The following MTHFD1 variants were observed in gnomAD, a reference collection of about 807,000 sequenced individuals.
The protein encoded by MTHFD1 is methylenetetrahydrofolate dehydrogenase, cyclohydrolase and formyltetrahydrofolate synthetase 1, also known as C-1-tetrahydrofolate synthase, cytoplasmic.
A neutral mutation model predicts 110.3 loss-of-function variants in MTHFD1; 44 were observed. The ratio of observed to expected loss-of-function variants is 0.40; its 90% confidence interval spans 0.31 to 0.51. The LOEUF is 0.51. Ranked by LOEUF, MTHFD1 falls within the 20% of genes least tolerant of loss-of-function variation. The pLI, the probability that MTHFD1 is intolerant of heterozygous loss-of-function variation, is 0.60. For synonymous variants in MTHFD1, 402 were observed against 428.8 expected (o/e 0.94, Z 0.77); for missense variants, 909 against 1,173.1 (o/e 0.77, Z 3.29).
Position 64,449,035 on chromosome 14 carries a change from G to A in MTHFD1, c.2280-410G>A, listed in dbSNP as rs1330805743. The A allele has an allele frequency of 2.8e-5, 9 of 316,894 alleles. No individual in the cohort carries two copies. The East Asian group carries it at 5.6e-4, about 20-fold the overall frequency. The allele number at this position is 316,894 out of a possible 1,614,324, so 19.6% of individuals were successfully genotyped here. A position where few individuals can be genotyped will look rare whatever the true frequency, so the allele number is the denominator to read the frequency against. On this transcript the variant is annotated intron_variant, in intron 23 of 27. Transcript: ENST00000652337. ...AGGATGGTCTCGATCTCCTGACCTC[G>A]TGATTCTCCCACCTCGGCCTCCCAA...
intron 16 of MTHFD1, among the ~76,000 whole-genome samples, chr14:64,437,868 T>C (rs570888662): frequency 1.3e-4 from 20 of 152,114 alleles, no homozygotes; most frequent in Admixed American, 5.9e-4. Flanking sequence ...CATCAAATCA[T>C]GTTGTTCAAG....
intron 1 of MTHFD1, among the ~76,000 whole-genome samples, chr14:64,396,431 G>A (rs1241521591): frequency 1.7e-5 from 2 of 118,776 alleles, no homozygotes; most frequent in African/African-American, 3.2e-5. Flanking sequence ...CACTCTTGTT[G>A]CCTAGGCTGG....
At chr14:64,423,413 CT>C (rs549281567) in intron 8 of MTHFD1, among the ~76,000 whole-genome samples, 6 of 150,240 alleles carry the variant, frequency 4.0e-5, no homozygotes, top group Non-Finnish European at 4.5e-5. Context: ...GCAGAACTAA[CT>C]TTTTTTTTTG....
rs147620223 is a variant in MTHFD1, at chr14:64,411,611, G to T, written c.186+462G>T. ...TGAATCTGCATTTTTTACATAAGAT[G>T]ACAGATGGCCGGACGCGGTGGCTCA... On this transcript the variant is annotated intron_variant, in intron 3 of 27. Transcript: ENST00000652337. 5.9e-3 allele frequency among the ~76,000 whole-genome samples: 899 copies of T among 152,266 alleles called. 7 individuals are homozygous for T. Among genetic ancestry groups the T allele is most frequent in the African/African-American group, 0.021 (852 of 41,558 alleles).
chr14:64,433,903 G>A (rs1035150755), intron 15 of MTHFD1, among the ~76,000 whole-genome samples: 8 of 151,826 alleles, frequency 5.3e-5, no homozygotes, highest in African/African-American at 1.5e-4. Context: ...GGTGGTGCAC[G>A]CCTGTAGCCC....
At chr14:64,403,215 G>A in intron 2 of MTHFD1, among the ~76,000 whole-genome samples, 1 of 151,880 alleles carries the variant, frequency 6.6e-6, no homozygotes, top group Non-Finnish European at 1.5e-5. Context: ...CCAGATTCAT[G>A]CAATTCTCCT....
At chr14:64,396,558 ATTTTT>A (rs71123843) in intron 1 of MTHFD1, among the ~76,000 whole-genome samples, 1 of 126,794 alleles carries the variant, frequency 7.9e-6, no homozygotes, top group Non-Finnish European at 1.7e-5. Flanking sequence ...CTCCCAGTTA[ATTTTT>A]TTTTTTTTTT....
intron 4 of MTHFD1, among the ~76,000 whole-genome samples, chr14:64,412,798 T>C (rs2077994729): frequency 6.6e-6 from 1 of 151,810 alleles, no homozygotes; most frequent in Non-Finnish European, 1.5e-5. Context: ...CCGCCTCACC[T>C]GGCTAATTTT....
At chr14:64,388,500 G>A (rs1222683797) in intron 1 of MTHFD1, 32 bp downstream of exon 1, 19 of 1,603,088 alleles carry the variant, frequency 1.2e-5, no homozygotes, top group Non-Finnish European at 1.6e-5. Flanking sequence ...TGAGTGTGGG[G>A]CTGTGGACGA....
chr14:64,413,936 C>T (rs1421390329), intron 4 of MTHFD1, among the ~76,000 whole-genome samples: 1 of 152,146 alleles, frequency 6.6e-6, no homozygotes, highest in African/African-American at 2.4e-5. Context: ...CTCAAGTGAT[C>T]CTCCCACCTT....
chr14:64,415,336 T>G, intron 4 of MTHFD1, 22 bp from the exon 5 acceptor site: 1 of 1,594,512 alleles, frequency 6.3e-7, no homozygotes, highest in Non-Finnish European at 8.6e-7. Flanking sequence ...GATATACAAA[T>G]TATATATGGT....
At chr14:64,456,752 C>T (rs2078481295) in intron 26 of MTHFD1, among the ~76,000 whole-genome samples, 1 of 152,282 alleles carries the variant, frequency 6.6e-6, no homozygotes, top group East Asian at 1.9e-4. Context: ...TGTCAGATCC[C>T]TATAATGTGT....
intron 24 of MTHFD1, among the ~76,000 whole-genome samples, chr14:64,453,471 T>C (rs551946513): frequency 2.0e-5 from 3 of 152,138 alleles, no homozygotes; most frequent in Non-Finnish European, 4.4e-5. Flanking sequence ...CTCGGGAGGC[T>C]GAGGCAGGAG....
rs549258189 is a variant in MTHFD1 at position 64,420,405 on chromosome 14, C to T, written c.727+480C>T. ...ATAAATCTAGCCTTTTAATCATGTCCAAAACTGTACTCGGCATCCTCATCC... is the reference window on the plus strand; with the variant it reads ...ATAAATCTAGCCTTTTAATCATGTCTAAAACTGTACTCGGCATCCTCATCC... On this transcript the variant is annotated intron_variant, in intron 8 of 27. Transcript: ENST00000652337. Among the ~76,000 whole-genome samples the T allele has an allele frequency of 5.8e-4, 89 of 152,198 alleles. 1 individual carries two copies. The highest frequency in any genetic ancestry group is 1.4e-3 in the Admixed American group (22 of 15,286).
In MTHFD1 at chr14:64,453,931, C is replaced by T. The variant is rs1382644788; in HGVS notation, c.2565+70C>T. The T allele has an allele frequency of 1.2e-5, 11 of 948,470 alleles. No homozygotes were observed. In the East Asian group the frequency reaches 2.6e-4, roughly 22 times the overall value. The allele number at this position is 948,470 out of a possible 1,614,324, so 58.8% of individuals were successfully genotyped here. ...GACTTGGAGTCACAATCTCTGGGTC[C>T]TCCCAGCCCTGCCAAGTACCCGTTG... On this transcript the variant is annotated intron_variant, in intron 25 of 27. Coordinates refer to ENST00000652337, the MANE Select transcript of MTHFD1 (RefSeq NM_005956.4).
chr14:64,418,808 G>T (rs186933034), intron 7 of MTHFD1, among the ~76,000 whole-genome samples: 4 of 152,158 alleles, frequency 2.6e-5, no homozygotes, highest in Admixed American at 2.6e-4. Context: ...CACCTGCCTT[G>T]GCCTCCCAAA....
At chr14:64,433,146 G>A (rs1596548212) in intron 15 of MTHFD1, among the ~76,000 whole-genome samples, 1 of 152,216 alleles carries the variant, frequency 6.6e-6, no homozygotes, top group East Asian at 1.9e-4. Context: ...GTTTAAGACA[G>A]AGTCTCACTC....
chr14:64,410,961 C>G, intron 2 of MTHFD1, 129 bp from the exon 3 acceptor site: 2 of 725,984 alleles, frequency 2.8e-6, no homozygotes, highest in Non-Finnish European at 4.9e-6. Flanking sequence ...CCCTATACTC[C>G]TGTAAAAGTT....
chr14:64,450,258 A>G (rs1379506152), intron 24 of MTHFD1, among the ~76,000 whole-genome samples: 1 of 152,270 alleles, frequency 6.6e-6, no homozygotes, highest in Non-Finnish European at 1.5e-5. Flanking sequence ...AATTCACTGT[A>G]GCCTTTAAAA....
Sources: gnomAD v4.1 joint callset for allele counts (sites outside exome capture counted in the v4.1 genomes callset) on GRCh38, gnomAD v4.1.1 for gene constraint, MANE v1.5 for transcripts, NCBI Gene and HGNC (gene_info 2026-07-23, HGNC 2026-07-21) for gene names.